MTUS2: variants seen among roughly 807,000 people sequenced by gnomAD.
The protein encoded by MTUS2 is microtubule associated scaffold protein 2, also known as microtubule-associated tumor suppressor candidate 2.
Under a neutral mutation model 114.1 loss-of-function variants are expected in MTUS2, and 40 were observed. That is an observed-to-expected ratio of 0.35 (90% CI 0.27 to 0.46). The LOEUF is 0.46. Ranked by LOEUF, MTUS2 falls within the 20% of genes least tolerant of loss-of-function variation. MTUS2 has a pLI of 1.00. For synonymous variants in MTUS2, 688 were observed against 672.0 expected, an observed-to-expected ratio of 1.02 and a Z score of -0.37; for missense variants, 1,679 against 1,705.4, an observed-to-expected ratio of 0.98 and a Z score of 0.27.
chr13:28,839,244 A>G (rs1875307737), intron 1 of MTUS2, among the ~76,000 whole-genome samples: 1 of 152,168 alleles, frequency 6.6e-6, no homozygotes, highest in African/African-American at 2.4e-5. Flanking sequence ...TAACGATTTA[A>G]TTAATATTAA....
At chr13:29,383,785 G>T (rs7335852) in intron 8 of MTUS2, among the ~76,000 whole-genome samples, 91,923 of 152,026 alleles carry the variant, frequency 0.6, 29,207 homozygotes, top group East Asian at 0.73. Context: ...TGCTGGAAAA[G>T]GAGATGCGGC....
At chr13:29,394,004 A>G (rs1245209776) in intron 8 of MTUS2, among the ~76,000 whole-genome samples, 1 of 152,160 alleles carries the variant, frequency 6.6e-6, no homozygotes, top group Admixed American at 6.5e-5. Context: ...TTTGCCCTAA[A>G]CAGTTTTCAG....
intron 5 of MTUS2, among the ~76,000 whole-genome samples, chr13:29,259,986 G>C (rs745501168): frequency 1.3e-4 from 20 of 152,214 alleles, no homozygotes; most frequent in Admixed American, 3.3e-4. Flanking sequence ...ATGGTGCCCG[G>C]TGACCATGGA....
chr13:29,111,833 C>T (rs1243154058), intron 5 of MTUS2, among the ~76,000 whole-genome samples: 1 of 151,744 alleles, frequency 6.6e-6, no homozygotes, highest in Admixed American at 6.6e-5. Flanking sequence ...TTTTTGGGCT[C>T]CTGTAACAGG....
rs183664013 is a variant in MTUS2 at position 29,136,049 on chromosome 13, T to C, written c.2644+35079T>C. 8.1e-4 allele frequency among the ~76,000 whole-genome samples: 124 copies of C among 152,344 alleles called. 1 individual carries two copies. The highest frequency in any genetic ancestry group is 2.9e-3 in the African/African-American group (119 of 41,578). On this transcript the variant is annotated intron_variant, in intron 5 of 15. Coordinates refer to ENST00000612955, the MANE Select transcript of MTUS2 (RefSeq NM_001033602.4). The stretch of plus-strand genomic sequence containing the variant: ...AGAAAACAAAAAGTTGAGTTATGCA[T>C]CATGGTTACAGTAATACTAGCTTTT...
At chr13:29,487,635 C>T (rs928427728) in intron 10 of MTUS2, 1 of 495,766 alleles carries the variant, frequency 2.0e-6, no homozygotes, top group Admixed American at 3.4e-5. Flanking sequence ...GGTCCAGGAG[C>T]CACACTCAGG....
chr13:29,437,553 C>T (rs1177061881), intron 8 of MTUS2, among the ~76,000 whole-genome samples: 3 of 152,180 alleles, frequency 2.0e-5, no homozygotes, highest in African/African-American at 4.8e-5. Context: ...TCCCTGTGAT[C>T]GGTCTGATTA....
chr13:29,193,154 C>A (rs1369545718), intron 5 of MTUS2, among the ~76,000 whole-genome samples: 1 of 152,130 alleles, frequency 6.6e-6, no homozygotes, highest in Non-Finnish European at 1.5e-5. Context: ...TTTCTGTGGT[C>A]ACTACACAGT....
intron 7 of MTUS2, among the ~76,000 whole-genome samples, chr13:29,357,038 C>T (rs375461489): frequency 6.6e-6 from 1 of 152,108 alleles, no homozygotes; most frequent in East Asian, 1.9e-4. Context: ...CACTGTTGTT[C>T]AGTAGAACAC....
At chr13:29,426,333 G>A (rs3125724) in intron 8 of MTUS2, among the ~76,000 whole-genome samples, 31,897 of 152,176 alleles carry the variant, frequency 0.21, 3,765 homozygotes, top group East Asian at 0.5. Context: ...GGTATTTTCA[G>A]TTTACGAGGG....
chr13:28,927,405 G>A (rs1881381797), intron 2 of MTUS2, among the ~76,000 whole-genome samples: 1 of 151,684 alleles, frequency 6.6e-6, no homozygotes, highest in African/African-American at 2.4e-5. Flanking sequence ...TAAAAAAAAA[G>A]AAAAGAAAAA....
intron 5 of MTUS2, among the ~76,000 whole-genome samples, chr13:29,252,393 G>A (rs1462717438): frequency 6.6e-6 from 1 of 151,970 alleles, no homozygotes; most frequent in South Asian, 2.1e-4. Context: ...TAACCCTTTT[G>A]GCCTCATCCT....
rs964018539 is a variant in MTUS2 at position 29,228,527 on chromosome 13, C to T, written c.2645-53177C>T. Reference sequence around the variant, plus strand: ...TTTTGTTAGAGCCTCACTATGTTGCCCAGGCTGGTCCCAAACTCCTGGGCT... The same window carrying T: ...TTTTGTTAGAGCCTCACTATGTTGCTCAGGCTGGTCCCAAACTCCTGGGCT... On this transcript the variant is annotated intron_variant, in intron 5 of 15. Coordinates refer to ENST00000612955, the MANE Select transcript of MTUS2 (RefSeq NM_001033602.4). Among the ~76,000 whole-genome samples the T allele has an allele frequency of 3.3e-5, 5 of 152,154 alleles. No homozygotes were observed. In the East Asian group the frequency reaches 9.7e-4, roughly 29 times the overall value.
chr13:29,099,991 G>A (rs1209594204), intron 4 of MTUS2, among the ~76,000 whole-genome samples: 2 of 152,048 alleles, frequency 1.3e-5, no homozygotes, highest in Non-Finnish European at 1.5e-5. Context: ...CACATATCTG[G>A]GAACTAATTC....
At chr13:29,194,032 G>A (rs1427575040) in intron 5 of MTUS2, among the ~76,000 whole-genome samples, 2 of 151,314 alleles carry the variant, frequency 1.3e-5, no homozygotes, top group African/African-American at 2.4e-5. Context: ...GGGAAAACTG[G>A]CTAGCCATAT....
chr13:29,268,870 C>A (rs143068766), intron 5 of MTUS2, among the ~76,000 whole-genome samples: 2,900 of 152,244 alleles, frequency 0.019, 34 homozygotes, highest in Middle Eastern at 0.027. Flanking sequence ...GCTGGGGCTA[C>A]AGGTGCACCA....
intron 2 of MTUS2, among the ~76,000 whole-genome samples, chr13:28,915,877 ATGTCC>A (rs1288234023): frequency 6.6e-6 from 1 of 151,904 alleles, no homozygotes; most frequent in Non-Finnish European, 1.5e-5. Context: ...GCCCAGGCCA[ATGTCC>A]TGGAGCATTT....
At chr13:29,202,824 A>G (rs1332860137) in intron 5 of MTUS2, among the ~76,000 whole-genome samples, 2 of 152,190 alleles carry the variant, frequency 1.3e-5, no homozygotes, top group Admixed American at 1.3e-4. Flanking sequence ...TTGCCTGGGT[A>G]TCACCAGCGG....
At chr13:29,224,930 TC>T (rs1391212179) in intron 5 of MTUS2, among the ~76,000 whole-genome samples, 1 of 152,226 alleles carries the variant, frequency 6.6e-6, no homozygotes, top group African/African-American at 2.4e-5. Context: ...TTATTACTGA[TC>T]CAATCACTGC....
Sources: allele counts gnomAD v4.1 joint callset (sites outside exome capture counted in the v4.1 genomes callset), GRCh38; gene constraint gnomAD v4.1.1; transcripts MANE v1.5; gene names NCBI Gene and HGNC (gene_info 2026-07-23, HGNC 2026-07-21).